The following RAB3C variants were observed in gnomAD, a reference collection of about 807,000 sequenced individuals.
RAB3C encodes ras-related protein Rab-3C.
A neutral mutation model predicts 26.4 loss-of-function variants in RAB3C; 17 were observed. The ratio of observed to expected loss-of-function variants is 0.64; its 90% confidence interval spans 0.44 to 0.97. The LOEUF is 0.97. Ranked by LOEUF, RAB3C falls within the 50% of genes least tolerant of loss-of-function variation. The pLI is 0.00. For missense variants in RAB3C, 242 were observed against 281.9 expected (o/e 0.86, Z 1.01); for synonymous variants, 91 against 95.9 (o/e 0.95, Z 0.30).
chr5:58,715,287 T>C (rs1749147809), intron 2 of RAB3C, among the ~76,000 whole-genome samples: 1 of 152,072 alleles, frequency 6.6e-6, no homozygotes, highest in Non-Finnish European at 1.5e-5. Flanking sequence ...AAAGTATTTT[T>C]TTTTTCCTAG....
chr5:58,607,384 A>G (rs1217051658), intron 1 of RAB3C, among the ~76,000 whole-genome samples: 1 of 152,218 alleles, frequency 6.6e-6, no homozygotes, highest in African/African-American at 2.4e-5. Flanking sequence ...AAAGAAATGA[A>G]CAAAGCCTCC....
chr5:58,840,984 A>T (rs1186915622), intron 4 of RAB3C, among the ~76,000 whole-genome samples: 1 of 152,206 alleles, frequency 6.6e-6, no homozygotes, highest in Non-Finnish European at 1.5e-5. Flanking sequence ...TCAGGTCTAC[A>T]TGCAGGTGCA....
chr5:58,766,438 G>A (rs979636100), intron 3 of RAB3C, among the ~76,000 whole-genome samples: 1 of 152,150 alleles, frequency 6.6e-6, no homozygotes, highest in African/African-American at 2.4e-5. Flanking sequence ...GTAGCAATGT[G>A]AGAACAGATT....
chr5:58,611,970 C>T (rs1430537204), intron 1 of RAB3C, among the ~76,000 whole-genome samples: 2 of 152,142 alleles, frequency 1.3e-5, no homozygotes, highest in African/African-American at 4.8e-5. Flanking sequence ...TCTCCCAGCA[C>T]CATTTATTGA....
At chr5:58,672,836 C>T (rs542367352) in intron 2 of RAB3C, among the ~76,000 whole-genome samples, 6 of 152,210 alleles carry the variant, frequency 3.9e-5, no homozygotes, top group Admixed American at 6.5e-5. Context: ...TACTTAGTTT[C>T]GAATAATGCT....
intron 3 of RAB3C, among the ~76,000 whole-genome samples, chr5:58,780,950 T>A (rs571842579): frequency 1.3e-5 from 2 of 152,214 alleles, no homozygotes; most frequent in South Asian, 2.1e-4. Flanking sequence ...TAATTACCTA[T>A]CTTGTAGTCT....
At chr5:58,588,903 C>T (rs1443846244) in intron 1 of RAB3C, among the ~76,000 whole-genome samples, 1 of 151,866 alleles carries the variant, frequency 6.6e-6, no homozygotes, top group Non-Finnish European at 1.5e-5. Context: ...TTTTTTTCCC[C>T]ATATCTTATT....
chr5:58,631,686 G>C (rs1344764717), intron 2 of RAB3C, among the ~76,000 whole-genome samples: 1 of 152,130 alleles, frequency 6.6e-6, no homozygotes, highest in Non-Finnish European at 1.5e-5. Flanking sequence ...TTAAACAATG[G>C]ATCTGTCCTC....
chr5:58,587,640 A>G (rs1455095303), intron 1 of RAB3C, among the ~76,000 whole-genome samples: 1 of 152,228 alleles, frequency 6.6e-6, no homozygotes, highest in African/African-American at 2.4e-5. Flanking sequence ...TGACAAATGT[A>G]TAAATCTGTG....
At chr5:58,690,458 C>T (rs1748547508) in intron 2 of RAB3C, among the ~76,000 whole-genome samples, 1 of 152,150 alleles carries the variant, frequency 6.6e-6, no homozygotes, top group South Asian at 2.1e-4. Flanking sequence ...GGCTTCTGTA[C>T]TCACATGTCT....
intron 3 of RAB3C, among the ~76,000 whole-genome samples, chr5:58,801,551 G>A (rs1742808499): frequency 1.3e-5 from 2 of 152,188 alleles, no homozygotes; most frequent in South Asian, 4.1e-4. Flanking sequence ...TTTATCATTG[G>A]ACTACAGCAT....
chr5:58,585,096 T>G (rs1014118039), intron 1 of RAB3C, among the ~76,000 whole-genome samples: 11 of 152,068 alleles, frequency 7.2e-5, no homozygotes, highest in Non-Finnish European at 1.6e-4. Flanking sequence ...TTTTTGAAAT[T>G]TAAAATTTCC....
intron 2 of RAB3C, among the ~76,000 whole-genome samples, chr5:58,636,720 TCA>T (rs1747296763): frequency 6.6e-6 from 1 of 152,196 alleles, no homozygotes; most frequent in Non-Finnish European, 1.5e-5. Context: ...AAGTGGTGAA[TCA>T]TAAGCCTTGG....
chr5:58,593,898 G>A (rs530383605), intron 1 of RAB3C, among the ~76,000 whole-genome samples: 78 of 152,292 alleles, frequency 5.1e-4, no homozygotes, highest in African/African-American at 1.8e-3. Flanking sequence ...CTTGGGGATA[G>A]TATTAGTAAC....
chr5:58,813,495 C>T (rs1201899576), intron 3 of RAB3C, among the ~76,000 whole-genome samples: 1 of 151,440 alleles, frequency 6.6e-6, no homozygotes, highest in Non-Finnish European at 1.5e-5. Flanking sequence ...ACAGTGCTTA[C>T]CACCCTTTCT....
chr5:58,735,547 C>T (rs1451496403), intron 3 of RAB3C, among the ~76,000 whole-genome samples: 1 of 152,188 alleles, frequency 6.6e-6, no homozygotes, highest in East Asian at 1.9e-4. Flanking sequence ...TACTATGTCA[C>T]AGTTCTGAAG....
chr5:58,710,840 T>G (rs1307040840), intron 2 of RAB3C, among the ~76,000 whole-genome samples: 1 of 152,130 alleles, frequency 6.6e-6, no homozygotes, highest in African/African-American at 2.4e-5. Flanking sequence ...CTCTAGCATC[T>G]GATTTCTACA....
chr5:58,596,032 T>G (rs982233002), intron 1 of RAB3C, among the ~76,000 whole-genome samples: 3 of 152,042 alleles, frequency 2.0e-5, no homozygotes, highest in African/African-American at 7.2e-5. Context: ...GCTTGGCTAT[T>G]GGGAGGGATG....
intron 2 of RAB3C, among the ~76,000 whole-genome samples, chr5:58,724,855 G>A (rs1030824400): frequency 2.6e-5 from 4 of 150,992 alleles, no homozygotes; most frequent in Non-Finnish European, 4.4e-5. Context: ...CCCACATTCT[G>A]ACTTTGTGTT....
Sources: gnomAD v4.1 joint callset for allele counts (sites outside exome capture counted in the v4.1 genomes callset) on GRCh38, gnomAD v4.1.1 for gene constraint, MANE v1.5 for transcripts, NCBI Gene and HGNC (gene_info 2026-07-23, HGNC 2026-07-21) for gene names.